SAA2: variants seen among roughly 807,000 people sequenced by gnomAD.
The protein encoded by SAA2 is serum amyloid A2.
SAA2 carries 5 observed loss-of-function variants against 9.1 expected under a neutral mutation model. That is an observed-to-expected ratio of 0.55 (90% confidence interval 0.29 to 1.16). The LOEUF (loss-of-function observed/expected upper bound fraction) is 1.16. SAA2 is among the 50% of genes most tolerant of loss of function. SAA2 has a pLI of 0.09. For missense variants in SAA2, 94 were observed against 153.8 expected (o/e 0.61, Z 2.06); for synonymous variants, 49 against 59.8 (o/e 0.82, Z 0.83).
chr11:18,241,316 AG>A (rs1203441986), downstream of SAA2, among the ~76,000 whole-genome samples: 3 of 152,228 alleles, frequency 2.0e-5, no homozygotes, highest in African/African-American at 7.2e-5. Context: ...CTCTGTGGAA[AG>A]CAGTATGGAG....
downstream of SAA2, among the ~76,000 whole-genome samples, chr11:18,238,538 ATAG>A (rs1420389811): frequency 6.6e-6 from 1 of 152,046 alleles, no homozygotes; most frequent in African/African-American, 2.4e-5. Flanking sequence ...TTGTGGGTAC[ATAG>A]TAGGTGTATA....
Position 18,245,323 on chromosome 11 carries a change from C to T in SAA2, c.*54G>A. On this transcript the variant is annotated 3_prime_UTR_variant, in exon 4 of 4. Transcript: ENST00000256733. ...ACATAGACCTCACTAACTTTGTATC[C>T]CTGCCCCGAGGGCCTCATAGCCAGG... 3 of 1,608,516 alleles carry T rather than the reference C, an allele frequency of 1.9e-6. No homozygotes were observed. Among genetic ancestry groups the T allele is most frequent in the South Asian group, 1.1e-5 (1 of 90,584 alleles).
chr11:18,240,359 C>T (rs1042930351), downstream of SAA2: 8 of 698,700 alleles, frequency 1.1e-5, no homozygotes, highest in Admixed American at 2.0e-5. Flanking sequence ...AGCCATAAGG[C>T]AGATAAAAGA....
chr11:18,242,767 GC>G (rs1197833756), downstream of SAA2: 2 of 700,532 alleles, frequency 2.9e-6, no homozygotes, highest in Admixed American at 4.0e-5. Flanking sequence ...GATCTCTTGA[GC>G]CCCGGGAGGT....
downstream of SAA2, among the ~76,000 whole-genome samples, chr11:18,241,506 A>G (rs1275510321): frequency 6.6e-5 from 10 of 152,348 alleles, no homozygotes; most frequent in African/African-American, 2.4e-4. Flanking sequence ...AGGTTAATCA[A>G]CGAATGATTG....
intron 2 of SAA2, among the ~76,000 whole-genome samples, chr11:18,247,028 C>T (rs1256809983): frequency 6.6e-6 from 1 of 152,266 alleles, no homozygotes; most frequent in Admixed American, 6.5e-5. Flanking sequence ...TCAAGCACAG[C>T]CGGGCTCAAA....
At position 18,245,521 on chromosome 11, in the gene SAA2, G is replaced by C; in HGVS notation, c.231-6C>G. ...GGATATTCTCTCTGGCATTGCTGTAGTCCAGGCAGGCAAGAAGGAGATTAA... is the reference window on the plus strand; with the variant it reads ...GGATATTCTCTCTGGCATTGCTGTACTCCAGGCAGGCAAGAAGGAGATTAA... On this transcript the variant is annotated splice_polypyrimidine_tract_variant and splice_region_variant and intron_variant, in intron 3 of 3. Coordinates refer to ENST00000256733, the MANE Select transcript of SAA2 (RefSeq NM_030754.5). 6.2e-7 allele frequency: 1 copy of C among 1,613,942 alleles called. No individual in the cohort carries two copies. The highest frequency in any genetic ancestry group is 8.5e-7 in the Non-Finnish European group (1 of 1,179,818).
downstream of SAA2, chr11:18,242,638 G>C: frequency 1.7e-6 from 1 of 592,994 alleles, no homozygotes; most frequent in South Asian, 2.0e-5. Flanking sequence ...TTGAGCCCAG[G>C]AGTTCAAGAC....
chr11:18,246,163 G>C, intron 2 of SAA2, 115 bp from the exon 3 acceptor site: 2 of 1,471,158 alleles, frequency 1.4e-6, no homozygotes, highest in Non-Finnish European at 1.8e-6. Flanking sequence ...CTTTCAGCCT[G>C]TGATCATAGC....
downstream of SAA2, among the ~76,000 whole-genome samples, chr11:18,245,029 G>C (rs1042851922): frequency 3.9e-5 from 6 of 152,212 alleles, no homozygotes; most frequent in Admixed American, 3.9e-4. Context: ...ACTGGAAATA[G>C]CAACAATGTA....
chr11:18,240,404 C>G (rs150738222), downstream of SAA2: 42 of 659,544 alleles, frequency 6.4e-5, no homozygotes, highest in African/African-American at 6.3e-4. Flanking sequence ...CATCTGCTGC[C>G]TTTCAAAGGC....
At chr11:18,247,621 C>T (rs1431370547) in intron 2 of SAA2, among the ~76,000 whole-genome samples, 2 of 142,402 alleles carry the variant, frequency 1.4e-5, no homozygotes, top group African/African-American at 2.7e-5. Context: ...CTGGATGCCC[C>T]GTCCCTTACG....
chr11:18,247,001 T>C (rs1304293509), intron 2 of SAA2, among the ~76,000 whole-genome samples: 1 of 152,250 alleles, frequency 6.6e-6, no homozygotes, highest in Non-Finnish European at 1.5e-5. Context: ...TGCGTCTACC[T>C]GGCAAGAGCC....
At chr11:18,239,704 C>A (rs1306694188) in exon 4 of SAA2, 2 of 441,082 alleles carry the variant, frequency 4.5e-6, no homozygotes, top group Non-Finnish European at 8.0e-6. Context: ...GCTGCTCCTT[C>A]TCAGTCTGTT....
intron 1 of SAA2, chr11:18,248,277 C>G: frequency 2.6e-6 from 1 of 384,516 alleles, no homozygotes; most frequent in Admixed American, 3.9e-5. Flanking sequence ...GACTGTCACT[C>G]CCTCAAGTAG....
downstream of SAA2, among the ~76,000 whole-genome samples, chr11:18,243,858 C>T (rs936146657): frequency 1.1e-4 from 17 of 152,156 alleles, no homozygotes; most frequent in African/African-American, 4.1e-4. Flanking sequence ...CCACACCCAC[C>T]CCTTTGTCCT....
At position 18,247,973 on chromosome 11, in the gene SAA2, G is replaced by A; in HGVS notation, c.39C>T (p.Val13=). 2 of 1,613,522 alleles carry A rather than the reference G, an allele frequency of 1.2e-6. No homozygotes were observed. Among genetic ancestry groups the A allele is most frequent in the Non-Finnish European group, 1.7e-6 (2 of 1,179,798 alleles). Residue 13 remains valine (V), a synonymous_variant, in exon 2 of 4, where the codon GTC becomes GTT. Coordinates refer to ENST00000256733, the MANE Select transcript of SAA2 (RefSeq NM_030754.5). ...AGAAGCTTCGGCTGCTGACACTCAGGACCAAGGAGCAGAAAACCAGGCCCG... is the reference window on the plus strand; with the variant it reads ...AGAAGCTTCGGCTGCTGACACTCAGAACCAAGGAGCAGAAAACCAGGCCCG... The part of the protein sequence containing the change: ...LLTGLVFCSL[V]LSVSSRSFFS...
intron 1 of SAA2, chr11:18,248,353 TAAACAC>T (rs1315408377): frequency 7.8e-6 from 2 of 255,274 alleles, no homozygotes; most frequent in African/African-American, 4.6e-5. Flanking sequence ...CAACATGGGA[TAAACAC>T]AAAGCAGGAT....
rs529028920 is a variant in SAA2, at chr11:18,245,513, T to G, written c.233A>C (p.Asn78Thr). Residue 78 changes from asparagine (N) to threonine (T), a missense_variant and splice_region_variant, in exon 4 of 4, where the codon AAT becomes ACT. This residue lies in a region of SAA2 where 62 missense variants were observed against 58.3 expected (regional missense o/e 1.06). Coordinates refer to ENST00000256733, the MANE Select transcript of SAA2 (RefSeq NM_030754.5). The stretch of plus-strand genomic sequence containing the variant: ...GAGTCTCTGGATATTCTCTCTGGCA[T>G]TGCTGTAGTCCAGGCAGGCAAGAAG... ...GGAWAAEVIS[N>T]ARENIQRLTG... 2.5e-6 allele frequency: 4 copies of G among 1,614,034 alleles called. No homozygotes were observed.
Sources: gnomAD v4.1 joint callset for allele counts (sites outside exome capture counted in the v4.1 genomes callset) on GRCh38, gnomAD v4.1.1 for gene constraint, gnomAD v4.1.1 regional missense constraint, MANE v1.5 for transcripts, NCBI Gene and HGNC (gene_info 2026-07-23, HGNC 2026-07-21) for gene names.